TENM2: variants seen among roughly 807,000 people sequenced by gnomAD.
TENM2 encodes teneurin transmembrane protein 2, also known as teneurin-2.
TENM2 carries 52 observed loss-of-function variants against 245.2 expected under a neutral mutation model. The observed-to-expected ratio is 0.21, with a 90% CI of 0.17 to 0.27. TENM2 has a LOEUF of 0.27. TENM2 is among the 10% of genes least tolerant of loss of function. The pLI is 1.00. For synonymous variants in TENM2, 1,363 were observed against 1,438.9 expected (o/e 0.95, Z 1.19); for missense variants, 3,046 against 3,666.8 (o/e 0.83, Z 4.37).
intron 2 of TENM2, among the ~76,000 whole-genome samples, chr5:167,852,513 C>T (rs1207105571): frequency 6.6e-6 from 1 of 152,198 alleles, no homozygotes; most frequent in African/African-American, 2.4e-5. Flanking sequence ...TTATTTATCC[C>T]TATTTAACTA....
At chr5:167,681,254 C>A (rs1199351978) in intron 2 of TENM2, among the ~76,000 whole-genome samples, 1 of 151,944 alleles carries the variant, frequency 6.6e-6, no homozygotes, top group Non-Finnish European at 1.5e-5. Context: ...TTCTTTTCTT[C>A]TTTTTTAATA....
intron 2 of TENM2, among the ~76,000 whole-genome samples, chr5:167,470,041 T>C (rs889878768): frequency 6.6e-6 from 1 of 152,206 alleles, no homozygotes; most frequent in Non-Finnish European, 1.5e-5. Context: ...AGTCCTTTTA[T>C]ATCCACAATA....
At chr5:167,688,303 C>T (rs550467451) in intron 2 of TENM2, among the ~76,000 whole-genome samples, 3 of 152,160 alleles carry the variant, frequency 2.0e-5, no homozygotes, top group Non-Finnish European at 2.9e-5. Context: ...TGTGAACTTT[C>T]CCCCCATGTT....
chr5:167,939,515 T>G (rs1235022428), intron 3 of TENM2, among the ~76,000 whole-genome samples: 1 of 152,196 alleles, frequency 6.6e-6, no homozygotes, highest in Non-Finnish European at 1.5e-5. Flanking sequence ...TCCCCATGTA[T>G]AAATCAGAGA....
At chr5:167,668,127 A>G (rs564237831) in intron 2 of TENM2, among the ~76,000 whole-genome samples, 26 of 152,228 alleles carry the variant, frequency 1.7e-4, no homozygotes, top group South Asian at 4.1e-4. Context: ...CCACTCCCCA[A>G]GTTGCTCCCT....
chr5:167,441,451 C>T (rs1030785054), intron 2 of TENM2, among the ~76,000 whole-genome samples: 6 of 152,176 alleles, frequency 3.9e-5, no homozygotes, highest in Admixed American at 2.6e-4. Flanking sequence ...TTGGAAGTCA[C>T]TCATCAAATA....
intron 3 of TENM2, among the ~76,000 whole-genome samples, chr5:167,920,540 C>CAT: frequency 6.6e-6 from 1 of 151,372 alleles, no homozygotes; most frequent in East Asian, 2.0e-4. Context: ...CACACACACA[C>CAT]ACACACACAC....
intron 2 of TENM2, among the ~76,000 whole-genome samples, chr5:167,417,257 A>C (rs1204916780): frequency 2.0e-5 from 3 of 152,110 alleles, no homozygotes; most frequent in Non-Finnish European, 4.4e-5. Flanking sequence ...TTCACCTTCC[A>C]AGTCTAATTT....
intron 2 of TENM2, among the ~76,000 whole-genome samples, chr5:167,555,594 C>T (rs994039866): frequency 1.3e-5 from 2 of 152,074 alleles, no homozygotes; most frequent in African/African-American, 2.4e-5. Flanking sequence ...GTATGGAAGT[C>T]GCTAGCTTGT....
At chr5:167,169,388 A>G in the TENM2 span, among the ~76,000 whole-genome samples, 3 of 152,258 alleles carry the variant, frequency 2.0e-5, no homozygotes, top group African/African-American at 7.2e-5. Context: ...AATATGAGCT[A>G]CTATTTTAGT....
At chr5:167,650,858 G>A (rs1754412563) in intron 2 of TENM2, among the ~76,000 whole-genome samples, 2 of 152,142 alleles carry the variant, frequency 1.3e-5, no homozygotes, top group African/African-American at 4.8e-5. Flanking sequence ...ATAAACCAAT[G>A]CATGTAAACA....
chr5:167,847,712 T>A (rs192271289), intron 2 of TENM2, among the ~76,000 whole-genome samples: 18 of 152,368 alleles, frequency 1.2e-4, no homozygotes, highest in African/African-American at 4.1e-4. Context: ...ATGAGTATGT[T>A]CTGACTAAAT....
chr5:167,279,632 T>C, the TENM2 span, among the ~76,000 whole-genome samples: 16 of 151,736 alleles, frequency 1.1e-4, no homozygotes, highest in East Asian at 3.1e-3. Context: ...CTCATTCTTG[T>C]CTTTTTGCCT....
intron 2 of TENM2, among the ~76,000 whole-genome samples, chr5:167,597,744 CTT>C (rs35084923): frequency 0.51 from 76,975 of 151,874 alleles, 22,661 homozygotes; most frequent in Middle Eastern, 0.67. Flanking sequence ...TACTTTCAAA[CTT>C]ATATATGCAT....
intron 2 of TENM2, among the ~76,000 whole-genome samples, chr5:167,767,817 TG>T (rs1763136261): frequency 6.6e-6 from 1 of 152,176 alleles, no homozygotes; most frequent in African/African-American, 2.4e-5. Context: ...ACCACACTTG[TG>T]GGGGTAAAAG....
intron 2 of TENM2, among the ~76,000 whole-genome samples, chr5:167,648,908 C>G (rs572740912): frequency 2.0e-5 from 3 of 152,156 alleles, no homozygotes; most frequent in Non-Finnish European, 2.9e-5. Context: ...GAGAAGGGCT[C>G]GGTCTGTGGC....
intron 2 of TENM2, among the ~76,000 whole-genome samples, chr5:167,746,708 A>AGAGAGAGAGAGAGAGC (rs1561732804): frequency 6.7e-6 from 1 of 149,798 alleles, no homozygotes; most frequent in African/African-American, 2.5e-5. Context: ...AGAGAGAGAG[A>AGAGAGAGAGAGAGAGC]GAGAGAGCTG....
intron 2 of TENM2, among the ~76,000 whole-genome samples, chr5:167,438,619 G>A (rs1025709866): frequency 2.0e-5 from 3 of 151,990 alleles, no homozygotes; most frequent in African/African-American, 4.8e-5. Flanking sequence ...GGATGGTCTC[G>A]ATCTCCTGAC....
intron 10 of TENM2, among the ~76,000 whole-genome samples, chr5:168,123,952 T>G (rs764968616): frequency 6.6e-6 from 1 of 152,254 alleles, no homozygotes; most frequent in Non-Finnish European, 1.5e-5. Flanking sequence ...CATATTCTCA[T>G]GCAAAAAGTC....
Sources: allele counts gnomAD v4.1 joint callset (sites outside exome capture counted in the v4.1 genomes callset), GRCh38; gene constraint gnomAD v4.1.1; transcripts MANE v1.5; gene names NCBI Gene and HGNC (gene_info 2026-07-23, HGNC 2026-07-21).